The following APOBEC3F variants were observed in gnomAD, a reference collection of about 807,000 sequenced individuals.
The protein encoded by APOBEC3F is apolipoprotein B mRNA editing enzyme catalytic subunit 3F, also known as DNA dC->dU-editing enzyme APOBEC-3F.
A neutral mutation model predicts 45.8 loss-of-function variants in APOBEC3F; 34 were observed. That is an observed-to-expected ratio of 0.74 (90% CI 0.57 to 0.99). APOBEC3F has a LOEUF of 0.99. Ranked by LOEUF, APOBEC3F falls within the 50% of genes least tolerant of loss-of-function variation. The probability of loss-of-function intolerance (pLI) is 0.00; values close to 1 mark genes in which losing one functional copy is unlikely to be tolerated. For synonymous variants in APOBEC3F, 192 were observed against 174.4 expected, an observed-to-expected ratio of 1.10 and a Z score of -0.80; for missense variants, 459 against 474.1, an observed-to-expected ratio of 0.97 and a Z score of 0.30.
In APOBEC3F at chr22:39,046,072, C is replaced by T. The variant is rs560629139; in HGVS notation, c.566+530C>T. On this transcript the variant is annotated intron_variant, in intron 4 of 6. Coordinates refer to ENST00000308521, the MANE Select transcript of APOBEC3F (RefSeq NM_145298.6). The stretch of plus-strand genomic sequence containing the variant: ...TGCAAGTCCAAGGTGGAGGGGTGGG[C>T]GGGGTTGTGTCTTCTGCAGCTGCTC... 2.1e-3 allele frequency among the ~76,000 whole-genome samples: 322 copies of T among 152,136 alleles called. 1 individual carries two copies. Among genetic ancestry groups the T allele is most frequent in the African/African-American group, 7.2e-3 (299 of 41,524 alleles).
rs568832432 is a variant in APOBEC3F at position 39,054,667 on chromosome 22, C to T, written c.*1972C>T. On this transcript the variant is annotated 3_prime_UTR_variant, in exon 7 of 7. Transcript: ENST00000308521. ...CCTGTTGCTGTCTCTGTTCTCCCAACATGGTGAACACCACCCGGACTGCGT... is the reference window on the plus strand; with the variant it reads ...CCTGTTGCTGTCTCTGTTCTCCCAATATGGTGAACACCACCCGGACTGCGT... 3.0e-4 allele frequency among the ~76,000 whole-genome samples: 45 copies of T among 152,382 alleles called. No homozygotes were observed. The highest frequency in any genetic ancestry group is 6.0e-4 in the Non-Finnish European group (41 of 68,038).
rs1424998788 is a variant in APOBEC3F at position 39,053,407 on chromosome 22, G to A, written c.*712G>A. On this transcript the variant is annotated 3_prime_UTR_variant, in exon 7 of 7. Transcript: ENST00000308521. Reference sequence around the variant, plus strand: ...GAGAATCGCTTGAGCCCAGGAATTCGAGACCAGCCTGGGCCACATGACAAA... The same window carrying A: ...GAGAATCGCTTGAGCCCAGGAATTCAAGACCAGCCTGGGCCACATGACAAA... 5.3e-5 allele frequency: 8 copies of A among 150,670 alleles called. No homozygotes were observed. Among genetic ancestry groups the A allele is most frequent in the Admixed American group, 3.3e-4 (5 of 15,124 alleles). 9.3% of individuals were successfully genotyped at this position (150,670 alleles called of 1,614,324 possible). A position where few individuals can be genotyped will look rare whatever the true frequency, so the allele number is the denominator to read the frequency against.
rs752669195 is a variant in APOBEC3F at position 39,052,608 on chromosome 22, C to G, written c.1035C>G (p.Tyr345Ter). The G allele has an allele frequency of 6.2e-7, 1 of 1,613,852 alleles. No individual in the cohort carries two copies. The highest frequency in any genetic ancestry group is 8.5e-7 in the Non-Finnish European group (1 of 1,179,884). Residue 345 changes from tyrosine to a stop codon, truncating the protein, a stop_gained, in exon 7 of 7, where the codon TAC becomes TAG. Transcript: ENST00000308521. LOFTEE classifies it low-confidence loss of function (END_TRUNC). ...AATATTGTTGGGAAAACTTTGTGTA[C>G]AATGATGATGAGCCATTCAAGCCTT... ...DFKYCWENFV[Y>*]NDDEPFKPWK...
chr22:39,050,503 A>C (rs1843031579), intron 5 of APOBEC3F, among the ~76,000 whole-genome samples: 1 of 139,026 alleles, frequency 7.2e-6, no homozygotes, highest in Admixed American at 7.5e-5. Context: ...CCCAGGACTC[A>C]GGATGGAAGC....
intron 2 of APOBEC3F, chr22:39,044,564 T>A (rs547200912): frequency 4.3e-5 from 23 of 536,330 alleles, no homozygotes; most frequent in South Asian, 2.7e-4. Context: ...GTCGAGTCAC[T>A]GCTGCTCCAT....
chr22:39,052,045 C>T lies in APOBEC3F; in HGVS notation c.724-29C>T, dbSNP rs754467426. 1.4e-5 allele frequency: 22 copies of T among 1,610,084 alleles called. No individual in the cohort carries two copies. The Admixed American group carries it at 1.8e-4, about 13-fold the overall frequency. On this transcript the variant is annotated intron_variant, in intron 5 of 6. Coordinates refer to ENST00000308521, the MANE Select transcript of APOBEC3F (RefSeq NM_145298.6). ...ACTCCTCCTGCTCCTAGTCTGAGCTCCCCTGCCCTCCTCCTCCTCCTTCCC... is the reference window on the plus strand; with the variant it reads ...ACTCCTCCTGCTCCTAGTCTGAGCTTCCCTGCCCTCCTCCTCCTCCTTCCC...
intron 6 of APOBEC3F, 72 bp downstream of exon 6, chr22:39,052,425 C>T (rs1927539110): frequency 1.0e-5 from 16 of 1,590,674 alleles, no homozygotes; most frequent in South Asian, 6.9e-5. Context: ...TCTGCAATGC[C>T]GTGGGGCGGG....
intron 2 of APOBEC3F, chr22:39,044,527 G>A (rs1399393775): frequency 6.1e-6 from 4 of 654,836 alleles, no homozygotes; most frequent in African/African-American, 3.7e-5. Context: ...AAGTTCAGGG[G>A]ATGCTCCAGA....
At chr22:39,047,896 A>T (rs945418172) in intron 4 of APOBEC3F, among the ~76,000 whole-genome samples, 1 of 152,134 alleles carries the variant, frequency 6.6e-6, no homozygotes, top group African/African-American at 2.4e-5. Context: ...CAGCACTTCC[A>T]TGGAATTTCT....
At chr22:39,050,439 A>G (rs1388925259) in intron 5 of APOBEC3F, among the ~76,000 whole-genome samples, 1 of 135,026 alleles carries the variant, frequency 7.4e-6, no homozygotes, top group Non-Finnish European at 1.6e-5. Context: ...TTGGGGAGGG[A>G]GCCGTCTGTG....
chr22:39,045,604 G>A (rs1927177671), intron 4 of APOBEC3F, 62 bp downstream of exon 4: 1 of 1,608,460 alleles, frequency 6.2e-7, no homozygotes, highest in Admixed American at 1.7e-5. Flanking sequence ...TCCTCCTGAG[G>A]CCTCCCCTGG....
chr22:39,044,618 C>T (rs973402926), intron 2 of APOBEC3F, among the ~76,000 whole-genome samples: 4 of 152,092 alleles, frequency 2.6e-5, no homozygotes, highest in Admixed American at 6.5e-5. Flanking sequence ...CATACTGCCC[C>T]CCCAGCTAGA....
chr22:39,049,000 C>CA (rs200731224), intron 4 of APOBEC3F, among the ~76,000 whole-genome samples: 7 of 102,312 alleles, frequency 6.8e-5, no homozygotes, highest in East Asian at 3.9e-4. Context: ...AAAACAAAAA[C>CA]AAAAAAAACA....
At position 39,055,854 on chromosome 22, in the gene APOBEC3F, C is replaced by G. The variant is rs1031640989; in HGVS notation, c.*3159C>G. On this transcript the variant is annotated 3_prime_UTR_variant, in exon 7 of 7. Coordinates refer to ENST00000308521, the MANE Select transcript of APOBEC3F (RefSeq NM_145298.6). ...TGCACAATCTATCACGACCCTTTCA[C>G]GTGGACCCCTTAGAATTGTAAGCCC... Among the ~76,000 whole-genome samples the G allele has an allele frequency of 3.9e-5, 6 of 152,148 alleles. No individual in the cohort carries two copies. Among genetic ancestry groups the G allele is most frequent in the African/African-American group, 1.2e-4 (5 of 41,426 alleles).
Position 39,052,158 on chromosome 22 carries a change from G to A in APOBEC3F, c.808G>A (p.Glu270Lys), listed in dbSNP as rs372326883. 4 of 1,613,908 alleles carry A rather than the reference G, an allele frequency of 2.5e-6. No individual in the cohort carries two copies. Among genetic ancestry groups the A allele is most frequent in the East Asian group, 2.2e-5 (1 of 44,884 alleles). Residue 270 changes from glutamate (E) to lysine (K), a missense_variant, in exon 6 of 7, where the codon GAG becomes AAG. Coordinates refer to ENST00000308521, the MANE Select transcript of APOBEC3F (RefSeq NM_145298.6). ...DDILSPNTNY[E>K]VTWYTSWSPC... ...CATACTGTCTCCTAACACAAACTACGAGGTCACCTGGTACACATCTTGGAG... is the reference window on the plus strand; with the variant it reads ...CATACTGTCTCCTAACACAAACTACAAGGTCACCTGGTACACATCTTGGAG...
At position 39,055,160 on chromosome 22, in the gene APOBEC3F, C is replaced by G. The variant is rs569591528; in HGVS notation, c.*2465C>G. On this transcript the variant is annotated 3_prime_UTR_variant, in exon 7 of 7. Coordinates refer to ENST00000308521, the MANE Select transcript of APOBEC3F (RefSeq NM_145298.6). ...CAATCTCAGCTCACTGCAACCTCTGCCTTCCGAGTTCAAGCGATTCTCGTG... is the reference window on the plus strand; with the variant it reads ...CAATCTCAGCTCACTGCAACCTCTGGCTTCCGAGTTCAAGCGATTCTCGTG... Among the ~76,000 whole-genome samples, 7 of 151,708 alleles carry G rather than the reference C, an allele frequency of 4.6e-5. No homozygotes were observed. Among genetic ancestry groups the G allele is most frequent in the Non-Finnish European group, 8.8e-5 (6 of 67,974 alleles).
chr22:39,041,151 G>A (rs1926867308), intron 1 of APOBEC3F, among the ~76,000 whole-genome samples, 174 bp downstream of exon 1: 1 of 149,764 alleles, frequency 6.7e-6, no homozygotes, highest in Admixed American at 6.7e-5. Context: ...CTCTGTGGTT[G>A]CCCCACTGCT....
intron 1 of APOBEC3F, among the ~76,000 whole-genome samples, chr22:39,041,546 C>T (rs1333785329): frequency 6.6e-6 from 1 of 152,090 alleles, no homozygotes; most frequent in African/African-American, 2.4e-5. Context: ...TCAGCATTCA[C>T]TGTTTATAAA....
intron 6 of APOBEC3F, 111 bp from the exon 7 acceptor site, chr22:39,052,466 G>GC: frequency 6.4e-7 from 1 of 1,571,354 alleles, no homozygotes; most frequent in South Asian, 1.2e-5. Flanking sequence ...CAGGGATGGC[G>GC]CCAGTGTCCA....
Sources: gnomAD v4.1 joint callset for allele counts (sites outside exome capture counted in the v4.1 genomes callset) on GRCh38, gnomAD v4.1.1 for gene constraint, MANE v1.5 for transcripts, NCBI Gene and HGNC (gene_info 2026-07-23, HGNC 2026-07-21) for gene names.